Variants in GLIS3 observed in about 807,000 individuals in gnomAD.
GLIS3 encodes the protein GLIS family zinc finger 3, also known as zinc finger protein GLIS3.
In GLIS3, 53 loss-of-function variants were observed where a neutral mutation model predicts 78.6. The observed-to-expected ratio is 0.67, with a 90% CI of 0.54 to 0.85. The LOEUF (loss-of-function observed/expected upper bound fraction) is 0.85, where lower values mean the gene tolerates loss of function less well. GLIS3 is among the 40% of genes least tolerant of loss of function. The probability of loss-of-function intolerance (pLI) is 0.00; values close to 1 mark genes in which losing one functional copy is unlikely to be tolerated. For missense variants in GLIS3, 1,703 were observed against 1,231.1 expected (o/e 1.38, Z -5.74); for synonymous variants, 684 against 509.9 (o/e 1.34, Z -4.60).
chr9:4,387,880 A>T, the GLIS3 span, among the ~76,000 whole-genome samples: 1 of 152,354 alleles, frequency 6.6e-6, no homozygotes, highest in East Asian at 1.9e-4. Flanking sequence ...AGAATTTGTT[A>T]TAGAACCTTT....
At chr9:3,872,531 G>T (rs1821033162) in intron 8 of GLIS3, among the ~76,000 whole-genome samples, 1 of 152,174 alleles carries the variant, frequency 6.6e-6, no homozygotes, top group Non-Finnish European at 1.5e-5. Context: ...TACATGGATG[G>T]CAGCAGGCAA....
At chr9:4,210,611 G>A (rs534719033) in intron 2 of GLIS3, among the ~76,000 whole-genome samples, 3 of 152,288 alleles carry the variant, frequency 2.0e-5, no homozygotes, top group African/African-American at 7.2e-5. Context: ...ATTCTACAAT[G>A]CAGAAAACTT....
intron 8 of GLIS3, among the ~76,000 whole-genome samples, chr9:3,873,133 T>G (rs930322952): frequency 1.3e-5 from 2 of 152,122 alleles, no homozygotes; most frequent in East Asian, 3.9e-4. Flanking sequence ...CCAGATAGAT[T>G]CACAGCAAAA....
intron 4 of GLIS3, among the ~76,000 whole-genome samples, chr9:4,116,576 T>C (rs1831655584): frequency 6.6e-6 from 1 of 152,216 alleles, no homozygotes; most frequent in Non-Finnish European, 1.5e-5. Flanking sequence ...ACTTGCATTA[T>C]AGCTATCACC....
intron 4 of GLIS3, chr9:4,054,392 A>G: frequency 1.0e-6 from 1 of 985,448 alleles, no homozygotes; most frequent in Admixed American, 6.1e-5. Context: ...TCCCAAGCTC[A>G]GAGGAACCAT....
At chr9:4,323,216 A>T (rs545859949) in intron 2 of GLIS3, among the ~76,000 whole-genome samples, 1 of 152,224 alleles carries the variant, frequency 6.6e-6, no homozygotes, top group Non-Finnish European at 1.5e-5. Flanking sequence ...CAAAGATCAG[A>T]TAGTTGTAGA....
intron 2 of GLIS3, among the ~76,000 whole-genome samples, chr9:4,243,169 G>T (rs1823478835): frequency 6.6e-6 from 1 of 152,100 alleles, no homozygotes; most frequent in Non-Finnish European, 1.5e-5. Context: ...TCCGATTTTG[G>T]TATCAAACCC....
At chr9:4,444,931 G>C in the GLIS3 span, among the ~76,000 whole-genome samples, 4 of 152,176 alleles carry the variant, frequency 2.6e-5, no homozygotes, top group Admixed American at 2.0e-4. Flanking sequence ...CATCTCATAA[G>C]AAACATGAGG....
intron 8 of GLIS3, among the ~76,000 whole-genome samples, chr9:3,860,547 G>A (rs187998331): frequency 5.3e-4 from 80 of 152,166 alleles, no homozygotes; most frequent in African/African-American, 1.8e-3. Flanking sequence ...ACTGAGACAC[G>A]TAGACCCTGA....
rs1046305868 is a variant in GLIS3 at position 3,826,599 on chromosome 9, T to C, written c.*1673A>G. ...TGTGAAAACAAAACCCACACTTGGT[T>C]CTTCATTCACCTCATTCTACTGCAT... On this transcript the variant is annotated 3_prime_UTR_variant, in exon 11 of 11. Coordinates refer to ENST00000381971, the MANE Select transcript of GLIS3 (RefSeq NM_001042413.2). 8 of 152,290 alleles carry C rather than the reference T, an allele frequency of 5.3e-5. No individual in the cohort carries two copies. The East Asian group carries it at 1.5e-3, about 29-fold the overall frequency. 9.4% of individuals were successfully genotyped at this position (152,290 alleles called of 1,614,324 possible).
intron 2 of GLIS3, among the ~76,000 whole-genome samples, chr9:4,314,143 C>A (rs1256674806): frequency 6.6e-6 from 1 of 152,184 alleles, no homozygotes; most frequent in Non-Finnish European, 1.5e-5. Flanking sequence ...AGTAATAGTA[C>A]TTATCTCATA....
At chr9:4,432,528 A>G in the GLIS3 span, among the ~76,000 whole-genome samples, 22 of 152,324 alleles carry the variant, frequency 1.4e-4, no homozygotes, top group African/African-American at 5.1e-4. Flanking sequence ...GATGTTCAGC[A>G]GCAATAGGGA....
At chr9:4,265,853 T>C (rs549826198) in intron 2 of GLIS3, among the ~76,000 whole-genome samples, 1 of 152,050 alleles carries the variant, frequency 6.6e-6, no homozygotes, top group Non-Finnish European at 1.5e-5. Flanking sequence ...CACAACTGAG[T>C]GTCAACCAAA....
At chr9:4,402,508 T>C in the GLIS3 span, among the ~76,000 whole-genome samples, 20 of 151,926 alleles carry the variant, frequency 1.3e-4, no homozygotes, top group Admixed American at 1.3e-4. Context: ...CCTGGAGAAA[T>C]GGAGATATGT....
intron 4 of GLIS3, among the ~76,000 whole-genome samples, chr9:3,951,464 T>G (rs935188423): frequency 1.3e-5 from 2 of 151,660 alleles, no homozygotes; most frequent in Non-Finnish European, 2.9e-5. Context: ...GAGTGCTCCT[T>G]TTGATCTTTC....
In GLIS3 at chr9:3,828,301, G is replaced by A. The variant is rs1385851012; in HGVS notation, c.2764C>T (p.Gln922Ter). The A allele has an allele frequency of 1.2e-6, 2 of 1,614,106 alleles. No individual in the cohort carries two copies. ...QISTVDRCPSQLSSVYTEG is the reference protein window; with the variant it reads ...QISTVDRCPS ...CCTTCGGTGTAGACAGAGGAGAGCT[G>A]GCTAGGACAGCGGTCCACGGTGCTG... The change falls in exon 11 of 11, where the codon CAG (glutamine) becomes TAG (stop). Residue 922 changes from glutamine to a stop codon, truncating the protein, a stop_gained. Transcript: ENST00000381971. LOFTEE classifies it high-confidence loss of function.
chr9:4,091,715 G>A (rs141196754), intron 4 of GLIS3, among the ~76,000 whole-genome samples: 174 of 152,288 alleles, frequency 1.1e-3, no homozygotes, highest in African/African-American at 4.1e-3. Flanking sequence ...AGGAGGATGT[G>A]TTTGCTTTCC....
intron 9 of GLIS3, among the ~76,000 whole-genome samples, chr9:3,846,796 T>C (rs941249059): frequency 1.9e-4 from 29 of 152,194 alleles, no homozygotes; most frequent in African/African-American, 6.0e-4. Context: ...AGCAGTAATA[T>C]ATTAAGTTTA....
chr9:4,185,835 C>T (rs1320467861), intron 2 of GLIS3, among the ~76,000 whole-genome samples: 1 of 152,110 alleles, frequency 6.6e-6, no homozygotes. Context: ...TCCCCATTGG[C>T]CAGACCCAAC....
Sources: gnomAD v4.1 joint callset for allele counts (sites outside exome capture counted in the v4.1 genomes callset) on GRCh38, gnomAD v4.1.1 for gene constraint, MANE v1.5 for transcripts, NCBI Gene and HGNC (gene_info 2026-07-23, HGNC 2026-07-21) for gene names.